Variants in RNF216 observed in about 807,000 individuals in gnomAD.
RNF216 encodes E3 ubiquitin-protein ligase RNF216.
A neutral mutation model predicts 110.8 loss-of-function variants in RNF216; 72 were observed. The observed-to-expected ratio is 0.65, with a 90% CI of 0.54 to 0.79. RNF216 has a LOEUF of 0.79. RNF216 is among the 30% of genes least tolerant of loss of function. The pLI is 0.00. For missense variants in RNF216, 1,342 were observed against 1,141.2 expected (o/e 1.18, Z -2.54); for synonymous variants, 495 against 407.5 (o/e 1.21, Z -2.59).
intron 13 of RNF216, among the ~76,000 whole-genome samples, chr7:5,654,547 C>T (rs557470793): frequency 2.0e-5 from 3 of 151,722 alleles, no homozygotes; most frequent in East Asian, 1.9e-4. Context: ...ATTAGTTGGG[C>T]GTGGTAGCTG....
intron 13 of RNF216, among the ~76,000 whole-genome samples, chr7:5,697,935 A>C (rs1791728820): frequency 6.6e-6 from 1 of 152,226 alleles, no homozygotes; most frequent in African/African-American, 2.4e-5. Context: ...AGCTGTAGTC[A>C]AAGATAAGAG....
intron 13 of RNF216, among the ~76,000 whole-genome samples, chr7:5,669,887 A>C (rs538215054): frequency 2.6e-5 from 4 of 152,062 alleles, no homozygotes; most frequent in Admixed American, 6.6e-5. Flanking sequence ...CCATCTCAAA[A>C]AAAAAGAAAG....
At position 5,729,542 on chromosome 7, in the gene RNF216, A is replaced by G; in HGVS notation, c.1279T>C (p.Cys427Arg). ...YSKLTPLDQRCFIQAADLLMA... is the reference protein window; with the variant it reads ...YSKLTPLDQRRFIQAADLLMA... ...AGGAGGTCAGCAGCTTGGATGAAGC[A>G]GCGCTGGTCAAGAGGGGTCAATTTA... The change falls in exon 7 of 17, where the codon TGC becomes CGC. Residue 427 changes from cysteine to arginine, a missense_variant. Cys to Arg is a radical substitution (Grantham distance 180). Transcript: ENST00000389902. The G allele has an allele frequency of 6.2e-7, 1 of 1,614,108 alleles. No homozygotes were observed. Among genetic ancestry groups the G allele is most frequent in the Non-Finnish European group, 8.5e-7 (1 of 1,179,922 alleles).
chr7:5,698,768 T>C (rs1280493709), intron 13 of RNF216, among the ~76,000 whole-genome samples: 2 of 152,180 alleles, frequency 1.3e-5, no homozygotes, highest in African/African-American at 4.8e-5. Context: ...ACCACTTATA[T>C]AGAAGAATCT....
intron 13 of RNF216, among the ~76,000 whole-genome samples, chr7:5,703,556 A>G (rs1361838848): frequency 6.6e-6 from 1 of 152,244 alleles, no homozygotes; most frequent in East Asian, 1.9e-4. Context: ...CTGTAAAGTT[A>G]AAAACAGCAA....
intron 3 of RNF216, among the ~76,000 whole-genome samples, chr7:5,743,950 T>A (rs769537868): frequency 1.2e-4 from 18 of 152,192 alleles, no homozygotes; most frequent in Non-Finnish European, 2.1e-4. Flanking sequence ...AACAACATCA[T>A]ACAGAATCCC....
intron 13 of RNF216, among the ~76,000 whole-genome samples, chr7:5,676,835 T>A (rs1790330880): frequency 6.6e-6 from 1 of 152,198 alleles, no homozygotes; most frequent in Admixed American, 6.5e-5. Flanking sequence ...CTGGTCATTG[T>A]CCCAGGCTAG....
chr7:5,759,705 C>T (rs1235756063), intron 2 of RNF216, among the ~76,000 whole-genome samples: 1 of 147,326 alleles, frequency 6.8e-6, no homozygotes, highest in Non-Finnish European at 1.5e-5. Flanking sequence ...AATCTCAGCT[C>T]ACTACAACCT....
intron 5 of RNF216, among the ~76,000 whole-genome samples, chr7:5,733,710 T>A (rs1248132244): frequency 1.4e-5 from 2 of 145,866 alleles, no homozygotes; most frequent in Non-Finnish European, 3.0e-5. Context: ...AAGTAAACAA[T>A]TCACACGCAA....
intron 14 of RNF216, among the ~76,000 whole-genome samples, chr7:5,644,827 CTTTTTTTTTTT>C (rs59440013): frequency 2.2e-5 from 3 of 135,940 alleles, no homozygotes; most frequent in Non-Finnish European, 4.7e-5. Flanking sequence ...TTCTTTTTTT[CTTTTTTTTTTT>C]TTTTGAAACG....
chr7:5,629,126 T>TGGA (rs1786898562), intron 15 of RNF216, among the ~76,000 whole-genome samples: 1 of 143,962 alleles, frequency 6.9e-6, no homozygotes, highest in South Asian at 2.2e-4. Context: ...AAGCTGCAGG[T>TGGA]GGAGATTGCA....
At chr7:5,720,415 G>A (rs1010359127) in intron 9 of RNF216, among the ~76,000 whole-genome samples, 1 of 152,138 alleles carries the variant, frequency 6.6e-6, no homozygotes, top group Admixed American at 6.5e-5. Flanking sequence ...TAAGAATACA[G>A]CATGTAATAC....
intron 1 of RNF216, among the ~76,000 whole-genome samples, chr7:5,761,779 C>G (rs966583589): frequency 6.6e-6 from 1 of 150,730 alleles, no homozygotes; most frequent in Non-Finnish European, 1.5e-5. Context: ...GAGTGAGACT[C>G]CGTCACAAAA....
intron 2 of RNF216, among the ~76,000 whole-genome samples, chr7:5,756,057 G>T (rs1795622482): frequency 6.6e-6 from 1 of 152,122 alleles, no homozygotes; most frequent in Non-Finnish European, 1.5e-5. Context: ...TCACGAGCGG[G>T]ACAGGTGGAG....
intron 13 of RNF216, among the ~76,000 whole-genome samples, chr7:5,666,185 A>G (rs1403561204): frequency 6.7e-6 from 1 of 149,850 alleles, no homozygotes; most frequent in East Asian, 1.9e-4. Flanking sequence ...AAAAAAAAAA[A>G]TCCGAAACCA....
At chr7:5,735,869 T>C (rs1180529387) in intron 5 of RNF216, among the ~76,000 whole-genome samples, 1 of 152,224 alleles carries the variant, frequency 6.6e-6, no homozygotes, top group East Asian at 1.9e-4. Context: ...CCGAGGCAGA[T>C]GGATCACCTG....
At chr7:5,648,895 G>A (rs1336371520) in intron 14 of RNF216, among the ~76,000 whole-genome samples, 1 of 152,116 alleles carries the variant, frequency 6.6e-6, no homozygotes, top group East Asian at 1.9e-4. Flanking sequence ...CAGTACACAT[G>A]TAAAGCTAAT....
chr7:5,701,877 G>A (rs920013710), intron 13 of RNF216, among the ~76,000 whole-genome samples: 2 of 152,168 alleles, frequency 1.3e-5, no homozygotes, highest in African/African-American at 2.4e-5. Flanking sequence ...AGCAAAAGAC[G>A]TGTCCCAAAC....
At chr7:5,673,895 C>CT (rs1241351121) in intron 13 of RNF216, among the ~76,000 whole-genome samples, 3 of 139,178 alleles carry the variant, frequency 2.2e-5, no homozygotes, top group Non-Finnish European at 4.5e-5. Context: ...GAGTCTTGCT[C>CT]TATCGCCCAG....
Sources: gnomAD v4.1 joint callset for allele counts (sites outside exome capture counted in the v4.1 genomes callset) on GRCh38, gnomAD v4.1.1 for gene constraint, MANE v1.5 for transcripts, NCBI Gene and HGNC (gene_info 2026-07-23, HGNC 2026-07-21) for gene names.